The following CACNA2D3 variants were observed in gnomAD, a reference collection of about 807,000 sequenced individuals.
CACNA2D3 encodes voltage-dependent calcium channel subunit alpha-2/delta-3.
Under a neutral mutation model 160.6 loss-of-function variants are expected in CACNA2D3, and 60 were observed. The observed-to-expected ratio is 0.37, with a 90% CI of 0.30 to 0.46. The LOEUF (loss-of-function observed/expected upper bound fraction) is 0.46. CACNA2D3 is among the 20% of genes least tolerant of loss of function. The pLI is 1.00. For synonymous variants in CACNA2D3, 558 were observed against 492.9 expected (o/e 1.13, Z -1.75); for missense variants, 1,205 against 1,365.0 (o/e 0.88, Z 1.85).
intron 3 of CACNA2D3, among the ~76,000 whole-genome samples, chr3:54,334,179 C>T (rs568597777): frequency 6.0e-5 from 9 of 149,710 alleles, no homozygotes; most frequent in Admixed American, 2.7e-4. Context: ...CTCCGCCTCC[C>T]GGGTTCAAGC....
At chr3:54,902,729 T>C (rs762987649) in intron 27 of CACNA2D3, among the ~76,000 whole-genome samples, 2 of 152,194 alleles carry the variant, frequency 1.3e-5, no homozygotes, top group Non-Finnish European at 2.9e-5. Flanking sequence ...CTCTATAACT[T>C]GCTAAATGTG....
At chr3:54,944,699 G>A (rs567490921) in intron 27 of CACNA2D3, among the ~76,000 whole-genome samples, 3 of 152,286 alleles carry the variant, frequency 2.0e-5, no homozygotes, top group East Asian at 3.9e-4. Context: ...GGGATTACAG[G>A]CGTGAGCCAC....
At chr3:54,632,306 A>G (rs549409753) in intron 10 of CACNA2D3, 1 of 151,860 alleles carries the variant, frequency 6.6e-6, no homozygotes, top group African/African-American at 2.4e-5. Flanking sequence ...CTTTCTTTCC[A>G]TGTGTTTGGG....
intron 2 of CACNA2D3, among the ~76,000 whole-genome samples, chr3:54,258,870 T>A (rs544374820): frequency 1.3e-5 from 2 of 152,230 alleles, no homozygotes; most frequent in Non-Finnish European, 2.9e-5. Context: ...CAGACAGTGC[T>A]GGCTAGGGAG....
chr3:54,312,300 A>G (rs1334133451), intron 2 of CACNA2D3, among the ~76,000 whole-genome samples: 1 of 152,140 alleles, frequency 6.6e-6, no homozygotes. Context: ...GTTTTTGATG[A>G]GAAAATCTAG....
At chr3:54,794,398 C>T (rs1702825634) in intron 13 of CACNA2D3, among the ~76,000 whole-genome samples, 1 of 152,116 alleles carries the variant, frequency 6.6e-6, no homozygotes, top group African/African-American at 2.4e-5. Flanking sequence ...TTATAAACCT[C>T]ACAATACATT....
At chr3:54,805,176 G>A (rs1324093068) in intron 13 of CACNA2D3, among the ~76,000 whole-genome samples, 3 of 152,140 alleles carry the variant, frequency 2.0e-5, no homozygotes, top group South Asian at 2.1e-4. Context: ...TCAAAAGCTA[G>A]CAGAAGGCAA....
At chr3:54,208,297 G>A (rs757008100) in intron 2 of CACNA2D3, among the ~76,000 whole-genome samples, 1 of 152,134 alleles carries the variant, frequency 6.6e-6, no homozygotes, top group Non-Finnish European at 1.5e-5. Flanking sequence ...TAGGAGAGAT[G>A]AGGTTTTACC....
rs147781270 is a variant in CACNA2D3, at chr3:54,801,942, T to C, written c.1381-14911T>C. Among the ~76,000 whole-genome samples the C allele has an allele frequency of 9.1e-3, 1,393 of 152,326 alleles. 19 individuals are homozygous for C. The highest frequency in any genetic ancestry group is 0.031 in the African/African-American group (1,303 of 41,560). On this transcript the variant is annotated intron_variant, in intron 13 of 37. Coordinates refer to ENST00000474759, the MANE Select transcript of CACNA2D3 (RefSeq NM_018398.3). ...GAATACATAGATACCATTTTACCCA[T>C]AAGTCTTTCCAACAAAATTGGAAGG... is the stretch of plus-strand genomic sequence containing the variant.
At chr3:54,791,092 A>G (rs984459459) in intron 13 of CACNA2D3, among the ~76,000 whole-genome samples, 1 of 152,096 alleles carries the variant, frequency 6.6e-6, no homozygotes, top group African/African-American at 2.4e-5. Context: ...TCCTCCAAGA[A>G]GAGTTTCTTT....
At chr3:55,038,907 T>TATATATATATATATACACAC (rs1553636480) in intron 35 of CACNA2D3, among the ~76,000 whole-genome samples, 1 of 113,068 alleles carries the variant, frequency 8.8e-6, no homozygotes, top group African/African-American at 3.2e-5. Context: ...TATATATATA[T>TATATATATATATATACACAC]ACACACACTG....
intron 11 of CACNA2D3, among the ~76,000 whole-genome samples, chr3:54,675,270 T>C (rs537248985): frequency 3.1e-4 from 47 of 152,098 alleles, no homozygotes; most frequent in African/African-American, 1.0e-3. Flanking sequence ...AGATGGAGCA[T>C]GAAGGTGAAG....
intron 2 of CACNA2D3, among the ~76,000 whole-genome samples, chr3:54,264,922 T>C (rs1215190059): frequency 6.6e-6 from 1 of 152,206 alleles, no homozygotes; most frequent in Non-Finnish European, 1.5e-5. Context: ...ACTCATTCTT[T>C]TTTATGGCTG....
At chr3:54,376,261 G>A (rs1375121046) in intron 3 of CACNA2D3, among the ~76,000 whole-genome samples, 1 of 152,148 alleles carries the variant, frequency 6.6e-6, no homozygotes, top group Non-Finnish European at 1.5e-5. Flanking sequence ...CCACCCTGGA[G>A]CCTTTGCTGC....
intron 4 of CACNA2D3, among the ~76,000 whole-genome samples, chr3:54,484,133 G>C (rs74501384): frequency 6.6e-6 from 1 of 152,100 alleles, no homozygotes; most frequent in Non-Finnish European, 1.5e-5. Flanking sequence ...GAAACACTAC[G>C]GTACTCCCAG....
At chr3:54,475,040 A>G (rs1049444897) in intron 4 of CACNA2D3, among the ~76,000 whole-genome samples, 1 of 152,230 alleles carries the variant, frequency 6.6e-6, no homozygotes, top group African/African-American at 2.4e-5. Context: ...GACTGAGCAC[A>G]GACTCTTGGG....
rs1553874401 is a variant in CACNA2D3, at chr3:54,822,832, T to TTTCTTTCTTTCTTTCTTTTCTTTC, written c.1398+5964_1398+5965insCTTTCTTTCTTTCTTTTCTTTCTT. ...CTTTCTTTCTTTCTTTCTTTCTTTCTTTTCTTTCTTTCTTTCTTTCTTTCT... is the reference window on the plus strand; with the variant it reads ...CTTTCTTTCTTTCTTTCTTTCTTTCTTTCTTTCTTTCTTTCTTTTCTTTCTTTCTTTCTTTCTTTCTTTCTTTCT... On this transcript the variant is annotated intron_variant, in intron 14 of 37. Coordinates refer to ENST00000474759, the MANE Select transcript of CACNA2D3 (RefSeq NM_018398.3). 1.9e-4 allele frequency among the ~76,000 whole-genome samples: 11 copies of TTTCTTTCTTTCTTTCTTTTCTTTC among 58,030 alleles called. 1 individual carries two copies. The highest frequency in any genetic ancestry group is 8.7e-4 in the African/African-American group (10 of 11,508). The allele number at this position is 58,030 out of a possible 152,430, so 38.1% of individuals were successfully genotyped here. A position where few individuals can be genotyped will look rare whatever the true frequency, so the allele number is the denominator to read the frequency against.
chr3:54,170,425 G>A (rs1700541514), intron 2 of CACNA2D3, among the ~76,000 whole-genome samples: 1 of 152,154 alleles, frequency 6.6e-6, no homozygotes, highest in Non-Finnish European at 1.5e-5. Context: ...TTAACAGTTA[G>A]TGTATATGAT....
chr3:54,985,397 C>G (rs1056402364), intron 30 of CACNA2D3, among the ~76,000 whole-genome samples: 1 of 152,112 alleles, frequency 6.6e-6, no homozygotes, highest in African/African-American at 2.4e-5. Flanking sequence ...AAAACTTTTC[C>G]TGCAATTAGA....
Sources: gnomAD v4.1 joint callset for allele counts (sites outside exome capture counted in the v4.1 genomes callset) on GRCh38, gnomAD v4.1.1 for gene constraint, MANE v1.5 for transcripts, NCBI Gene and HGNC (gene_info 2026-07-23, HGNC 2026-07-21) for gene names.